RFX8: variants seen among roughly 807,000 people sequenced by gnomAD.
The protein encoded by RFX8 is DNA-binding protein RFX8.
A neutral mutation model predicts 54.6 loss-of-function variants in RFX8; 46 were observed. The ratio of observed to expected loss-of-function variants is 0.84; its 90% CI spans 0.67 to 1.08. The LOEUF is 1.08. RFX8 is among the 50% of genes least tolerant of loss of function. RFX8 has a pLI of 0.00. For missense variants in RFX8, 536 were observed against 562.3 expected (o/e 0.95, Z 0.47); for synonymous variants, 192 against 209.5 (o/e 0.92, Z 0.72).
chr2:101,406,196 G>A, intron 9 of RFX8, 139 bp from the exon 10 acceptor site: 2 of 554,970 alleles, frequency 3.6e-6, no homozygotes, highest in Non-Finnish European at 6.4e-6. Context: ...ACAAAAGCGG[G>A]AACTGAGGCA....
At chr2:101,411,696 T>A (rs972502913) in intron 8 of RFX8, among the ~76,000 whole-genome samples, 5 of 152,150 alleles carry the variant, frequency 3.3e-5, no homozygotes, top group African/African-American at 1.2e-4. Context: ...TTTTAGTTGC[T>A]GGATTGGTGG....
At chr2:101,473,811 T>C (rs1014561051) in intron 1 of RFX8, among the ~76,000 whole-genome samples, 14 of 152,270 alleles carry the variant, frequency 9.2e-5, no homozygotes, top group Middle Eastern at 6.8e-3. Context: ...AGCTTTAAAT[T>C]AGGAAACATC....
intron 2 of RFX8, among the ~76,000 whole-genome samples, chr2:101,442,186 G>A (rs1402715416): frequency 6.6e-6 from 1 of 152,090 alleles, no homozygotes; most frequent in African/African-American, 2.4e-5. Flanking sequence ...TTTCCATTTA[G>A]GCCTCTTTAC....
Position 101,402,663 on chromosome 2 carries a change from T to A in RFX8, c.1018A>T (p.Met340Leu). The A allele has an allele frequency of 1.3e-6, 2 of 1,555,020 alleles. No individual in the cohort carries two copies. Among genetic ancestry groups the A allele is most frequent in the Non-Finnish European group, 1.7e-6 (2 of 1,148,516 alleles). Residue 340 changes from methionine to leucine, a missense_variant, in exon 11 of 12, where the codon ATG (methionine) becomes TTG (leucine). Met to Leu is a conservative substitution (Grantham distance 15). Coordinates refer to ENST00000428343, the MANE Select transcript of RFX8 (RefSeq NM_001145664.2). ...CLEEEEEEED[M>L]GTVKEMLPDD... ...GGTAGCATTTCCTTGACAGTCCCCA[T>A]GTCCTCCTCCTCCTCTTCCTCCTCT...
intron 2 of RFX8, chr2:101,450,668 A>G (rs933616234): frequency 5.1e-5 from 76 of 1,482,056 alleles, no homozygotes; most frequent in Non-Finnish European, 6.7e-5. Flanking sequence ...TACAGATTCC[A>G]TCATAATGAT....
chr2:101,410,500 G>T, intron 9 of RFX8, 119 bp downstream of exon 9: 1 of 631,858 alleles, frequency 1.6e-6, no homozygotes, highest in Non-Finnish European at 2.8e-6. Context: ...ACCCAGGCCA[G>T]CTTTGACACA....
intron 2 of RFX8, among the ~76,000 whole-genome samples, chr2:101,458,665 G>A (rs745919079): frequency 2.0e-5 from 3 of 152,094 alleles, no homozygotes; most frequent in Non-Finnish European, 4.4e-5. Context: ...TTTCAACCTT[G>A]GTGAATCTGA....
chr2:101,440,504 G>A (rs1558871627), intron 2 of RFX8, among the ~76,000 whole-genome samples: 2 of 152,190 alleles, frequency 1.3e-5, no homozygotes, highest in African/African-American at 4.8e-5. Flanking sequence ...GGCTTCCCTG[G>A]GAAGAAACCT....
chr2:101,451,689 C>CAAA (rs11441528), intron 2 of RFX8, among the ~76,000 whole-genome samples: 2 of 111,614 alleles, frequency 1.8e-5, no homozygotes, highest in African/African-American at 3.5e-5. Context: ...AACTCCGTCT[C>CAAA]AAAAAAAAAA....
In RFX8 at chr2:101,402,662, A is replaced by C; in HGVS notation, c.1019T>G (p.Met340Arg). 1 of 1,555,006 alleles carries C rather than the reference A, an allele frequency of 6.4e-7. No homozygotes were observed. The highest frequency in any genetic ancestry group is 8.7e-7 in the Non-Finnish European group (1 of 1,148,498). ...TGGTAGCATTTCCTTGACAGTCCCC[A>C]TGTCCTCCTCCTCCTCTTCCTCCTC... ...CLEEEEEEEDMGTVKEMLPDD... is the reference protein window; with the variant it reads ...CLEEEEEEEDRGTVKEMLPDD... The change falls in exon 11 of 12, where the codon ATG becomes AGG. Residue 340 changes from methionine (M) to arginine (R), a missense_variant. Physicochemically the swap from Met to Arg is moderately conservative, Grantham distance 91. Transcript: ENST00000428343.
chr2:101,428,908 T>C lies in RFX8; in HGVS notation c.73-6436A>G, dbSNP rs559483125. The C allele has an allele frequency of 7.9e-6, 9 of 1,134,104 alleles. No homozygotes were observed. In the African/African-American group the frequency reaches 1.2e-4, roughly 15 times the overall value. The allele number at this position is 1,134,104 out of a possible 1,614,324, so 70.3% of individuals were successfully genotyped here. On this transcript the variant is annotated intron_variant, in intron 2 of 11. Coordinates refer to ENST00000428343, the MANE Select transcript of RFX8 (RefSeq NM_001145664.2). ...GGATCGAATTAAGCAATCACTGGTA[T>C]TGCTAGGTCTGGGTCTGTTATAGTA...
chr2:101,457,414 C>G (rs1159926286), intron 2 of RFX8, among the ~76,000 whole-genome samples: 1 of 152,150 alleles, frequency 6.6e-6, no homozygotes, highest in Admixed American at 6.5e-5. Flanking sequence ...TGTCTTTGTT[C>G]TCATTGGTTT....
chr2:101,472,698 C>CA (rs575103077), intron 1 of RFX8, among the ~76,000 whole-genome samples: 26 of 151,820 alleles, frequency 1.7e-4, no homozygotes, highest in African/African-American at 4.6e-4. Flanking sequence ...CCAAAACAAA[C>CA]AAAAAAAATC....
At chr2:101,464,136 T>C (rs1689437990) in intron 2 of RFX8, among the ~76,000 whole-genome samples, 1 of 152,216 alleles carries the variant, frequency 6.6e-6, no homozygotes, top group South Asian at 2.1e-4. Context: ...GTCCCATATG[T>C]GTGCATGAGT....
In RFX8 at chr2:101,417,524, C is replaced by A; in HGVS notation, c.502+10G>T. On this transcript the variant is annotated intron_variant, in intron 6 of 11. Coordinates refer to ENST00000428343, the MANE Select transcript of RFX8 (RefSeq NM_001145664.2). ...CCAGCCCAGAATTTATTTTTTTCAT[C>A]GAAACCTACCTTTGAGTTTGGAGAT... 6.5e-7 allele frequency: 1 copy of A among 1,540,348 alleles called. No individual in the cohort carries two copies. Among genetic ancestry groups the A allele is most frequent in the Non-Finnish European group, 8.8e-7 (1 of 1,142,814 alleles).
At chr2:101,429,009 T>C in intron 2 of RFX8, 3 of 1,530,390 alleles carry the variant, frequency 2.0e-6, no homozygotes, top group Non-Finnish European at 2.6e-6. Context: ...TCAAAGGCAA[T>C]GGCATCTCCA....
chr2:101,405,945 A>AAAC lies in RFX8; in HGVS notation c.923_925dup (p.Ser308_Phe309insCys). The AAAC allele has an allele frequency of 1.6e-5, 24 of 1,518,708 alleles. No homozygotes were observed. Among genetic ancestry groups the AAAC allele is most frequent in the Non-Finnish European group, 2.1e-5 (24 of 1,128,742 alleles). The allele number at this position is 1,518,708 out of a possible 1,614,324, so 94.1% of individuals were successfully genotyped here. ...TACTTTCTTATTCTCTGACTTACCAAAACTATCTCTGTGGCAGAGGGTCAT... is the reference window on the plus strand; with the variant it reads ...TACTTTCTTATTCTCTGACTTACCAAAACAACTATCTCTGTGGCAGAGGGTCAT... On this transcript the variant is annotated inframe_insertion, in exon 10 of 12. Transcript: ENST00000428343.
At chr2:101,469,107 AGT>A (rs1491099192) in intron 1 of RFX8, among the ~76,000 whole-genome samples, 190 of 18,912 alleles carry the variant, frequency 0.01, 12 homozygotes, top group East Asian at 0.053. Flanking sequence ...TATATATATA[AGT>A]GTATATATAT....
chr2:101,415,041 G>A (rs528517869), intron 6 of RFX8, 129 bp from the exon 7 acceptor site: 62 of 661,564 alleles, frequency 9.4e-5, no homozygotes, highest in African/African-American at 3.9e-4. Flanking sequence ...CCCCACCCCC[G>A]TGTCTGCTGG....
Sources: allele counts gnomAD v4.1 joint callset (sites outside exome capture counted in the v4.1 genomes callset), GRCh38; gene constraint gnomAD v4.1.1; transcripts MANE v1.5; gene names NCBI Gene and HGNC (gene_info 2026-07-23, HGNC 2026-07-21).